ETS1: variants seen among roughly 807,000 people sequenced by gnomAD.
The protein encoded by ETS1 is ETS proto-oncogene 1, transcription factor, also known as protein C-ets-1.
Under a neutral mutation model 58.6 loss-of-function variants are expected in ETS1, and 15 were observed. The ratio of observed to expected loss-of-function variants is 0.26; its 90% CI spans 0.17 to 0.39. The LOEUF (loss-of-function observed/expected upper bound fraction) is 0.39, where lower values mean the gene tolerates loss of function less well. ETS1 is among the 10% of genes least tolerant of loss of function. ETS1 has a pLI of 1.00. For synonymous variants in ETS1, 214 were observed against 218.2 expected, an observed-to-expected ratio of 0.98 and a Z score of 0.17; for missense variants, 417 against 610.5, an observed-to-expected ratio of 0.68 and a Z score of 3.34.
At chr11:128,538,124 G>A (rs1196539372) in intron 3 of ETS1, among the ~76,000 whole-genome samples, 8 of 151,338 alleles carry the variant, frequency 5.3e-5, no homozygotes, top group African/African-American at 1.9e-4. Context: ...GAAAATACAA[G>A]AAAAGTGAAA....
Position 128,460,117 on chromosome 11 carries a change from ACATT to A in ETS1, c.*2240_*2243del, listed in dbSNP as rs1482927363. ...ACACACACACACACACACACACACAACATTCACACACATGCACACATTCACACAC... is the reference window on the plus strand; with the variant it reads ...ACACACACACACACACACACACACAACACACACATGCACACATTCACACAC... On this transcript the variant is annotated 3_prime_UTR_variant, in exon 10 of 10. Transcript: ENST00000392668. 6.7e-6 allele frequency: 1 copy of A among 148,878 alleles called. No homozygotes were observed. Among genetic ancestry groups the A allele is most frequent in the Admixed American group, 6.8e-5 (1 of 14,748 alleles). The allele number at this position is 148,878 out of a possible 1,614,324, so 9.2% of individuals were successfully genotyped here. A position where few individuals can be genotyped will look rare whatever the true frequency, so the allele number is the denominator to read the frequency against.
intron 3 of ETS1, among the ~76,000 whole-genome samples, chr11:128,509,549 AATTTTTTT>A (rs1438794943): frequency 2.3e-5 from 3 of 129,628 alleles, no homozygotes; most frequent in Non-Finnish European, 5.0e-5. Flanking sequence ...ATCAGGTGAA[AATTTTTTT>A]TTTTTTTTTT....
chr11:128,502,366 A>G (rs1591623103), intron 3 of ETS1, among the ~76,000 whole-genome samples: 2 of 152,254 alleles, frequency 1.3e-5, no homozygotes, highest in East Asian at 1.9e-4. Flanking sequence ...GCCCAGCCCA[A>G]AGCAATTAAG....
At chr11:128,498,017 G>A (rs1195879839) in intron 3 of ETS1, among the ~76,000 whole-genome samples, 1 of 152,176 alleles carries the variant, frequency 6.6e-6, no homozygotes, top group Non-Finnish European at 1.5e-5. Flanking sequence ...TGTCCTGCTG[G>A]AAAGGCTTTT....
intron 8 of ETS1, among the ~76,000 whole-genome samples, chr11:128,473,345 C>T (rs1464457420): frequency 6.6e-6 from 1 of 152,224 alleles, no homozygotes; most frequent in Non-Finnish European, 1.5e-5. Flanking sequence ...ATGTAGGTGA[C>T]AGCTAGCACT....
intron 3 of ETS1, among the ~76,000 whole-genome samples, chr11:128,523,737 T>G: frequency 6.6e-6 from 1 of 152,212 alleles, no homozygotes; most frequent in East Asian, 1.9e-4. Flanking sequence ...AGGAAAATAT[T>G]TGTATGTGAT....
intron 3 of ETS1, among the ~76,000 whole-genome samples, chr11:128,504,738 A>G (rs758517903): frequency 7.2e-5 from 11 of 152,128 alleles, no homozygotes; most frequent in South Asian, 2.1e-4. Flanking sequence ...ACAACAGTGG[A>G]CTGGGAGGGA....
intron 2 of ETS1, among the ~76,000 whole-genome samples, chr11:128,568,104 T>A (rs2135573098): frequency 6.6e-6 from 1 of 152,244 alleles, no homozygotes; most frequent in South Asian, 2.1e-4. Context: ...TGCCCGAGCA[T>A]GTTGTTCTAT....
At chr11:128,529,846 T>C (rs1446212284) in intron 3 of ETS1, among the ~76,000 whole-genome samples, 1 of 152,152 alleles carries the variant, frequency 6.6e-6, no homozygotes, top group Non-Finnish European at 1.5e-5. Flanking sequence ...AATGAATTAA[T>C]ATGAATCCTA....
chr11:128,528,083 G>C (rs1403502159), intron 3 of ETS1, among the ~76,000 whole-genome samples: 1 of 152,194 alleles, frequency 6.6e-6, no homozygotes, highest in Non-Finnish European at 1.5e-5. Flanking sequence ...CAATGGAAGT[G>C]TAAGTCGAGG....
rs938269876 is a variant in ETS1, at chr11:128,523,451, T to G, written c.214+32840A>C. Among the ~76,000 whole-genome samples, 5 of 152,378 alleles carry G rather than the reference T, an allele frequency of 3.3e-5. No homozygotes were observed. In the East Asian group the frequency reaches 9.6e-4, roughly 29 times the overall value. On this transcript the variant is annotated intron_variant, in intron 3 of 9. Coordinates refer to ENST00000392668, the MANE Select transcript of ETS1 (RefSeq NM_001143820.2). Reference sequence around the variant, plus strand: ...GCTCCATCTTTGATTAACAGAAAGATTAAACATAAATCTTCCTGAGCAATC... The same window carrying G: ...GCTCCATCTTTGATTAACAGAAAGAGTAAACATAAATCTTCCTGAGCAATC...
intron 2 of ETS1, among the ~76,000 whole-genome samples, chr11:128,570,983 C>T (rs1322459774): frequency 2.0e-5 from 3 of 151,962 alleles, no homozygotes; most frequent in Non-Finnish European, 4.4e-5. Context: ...TAAAAGTAAA[C>T]GGTGCTTACA....
chr11:128,577,533 C>G (rs114247237), intron 1 of ETS1, among the ~76,000 whole-genome samples: 453 of 152,346 alleles, frequency 3.0e-3, no homozygotes, highest in African/African-American at 9.6e-3. Context: ...TGGAAAGTAG[C>G]TGGCACATAG....
intron 3 of ETS1, among the ~76,000 whole-genome samples, chr11:128,501,018 T>C (rs1863075852): frequency 1.3e-5 from 2 of 152,204 alleles, no homozygotes; most frequent in Non-Finnish European, 2.9e-5. Flanking sequence ...ATTCTATCAA[T>C]AGGCCCTTGC....
intron 3 of ETS1, among the ~76,000 whole-genome samples, chr11:128,499,731 T>C (rs1238631016): frequency 1.3e-5 from 2 of 152,144 alleles, no homozygotes; most frequent in Non-Finnish European, 2.9e-5. Flanking sequence ...CAGGCTCCAT[T>C]GCACGTCCTA....
intron 3 of ETS1, among the ~76,000 whole-genome samples, chr11:128,503,142 A>G (rs1037617620): frequency 1.3e-5 from 2 of 152,240 alleles, no homozygotes; most frequent in Non-Finnish European, 2.9e-5. Flanking sequence ...CCAACATGTA[A>G]GGAGATATAC....
chr11:128,538,069 T>A (rs1863996566), intron 3 of ETS1, among the ~76,000 whole-genome samples: 2 of 152,222 alleles, frequency 1.3e-5, no homozygotes, highest in African/African-American at 4.8e-5. Context: ...AGATTTGGGA[T>A]GTTTGCCACA....
chr11:128,534,087 C>T (rs190708002), intron 3 of ETS1, among the ~76,000 whole-genome samples: 41 of 152,346 alleles, frequency 2.7e-4, no homozygotes, highest in African/African-American at 9.6e-4. Context: ...ATCTCCTACA[C>T]ATGCACACAT....
intron 1 of ETS1, among the ~76,000 whole-genome samples, chr11:128,582,174 T>C (rs569473889): frequency 1.3e-5 from 2 of 152,332 alleles, no homozygotes; most frequent in South Asian, 2.1e-4. Flanking sequence ...AACTGAGTCC[T>C]AAGAGGTTAC....
Sources: allele counts gnomAD v4.1 joint callset (sites outside exome capture counted in the v4.1 genomes callset), GRCh38; gene constraint gnomAD v4.1.1; transcripts MANE v1.5; gene names NCBI Gene and HGNC (gene_info 2026-07-23, HGNC 2026-07-21).